The following FALEC variants were observed in gnomAD, a reference collection of about 807,000 sequenced individuals.
The protein encoded by FALEC is focally amplified lncRNA regulator of ECM1, also known as focally amplified lncRNA on chromosome 1.
chr1:150,529,015 G>GAAAAAAA, the FALEC span, among the ~76,000 whole-genome samples: 3 of 5,958 alleles, frequency 5.0e-4, no homozygotes, highest in African/African-American at 2.0e-3. Context: ...TAAATAAATA[G>GAAAAAAA]CAAAAAAAAA....
chr1:150,533,913 G>A, the FALEC span, among the ~76,000 whole-genome samples: 175 of 152,340 alleles, frequency 1.1e-3, no homozygotes, highest in African/African-American at 3.9e-3. Flanking sequence ...AGGAGAGAGG[G>A]AGGCTGGAAG....
At chr1:150,522,286 T>A (rs1360079375), downstream of FALEC, among the ~76,000 whole-genome samples, 5 of 149,502 alleles carry the variant, frequency 3.3e-5, no homozygotes, top group Non-Finnish European at 5.9e-5. Context: ...CATGTTGTAA[T>A]CCTTTTCTGA....
chr1:150,522,905 A>ATATATATATACG, downstream of FALEC, among the ~76,000 whole-genome samples: 1 of 79,184 alleles, frequency 1.3e-5, no homozygotes, highest in Non-Finnish European at 2.4e-5. Context: ...ATATATATAC[A>ATATATATATACG]TATATATACA....
the FALEC span, among the ~76,000 whole-genome samples, chr1:150,535,869 G>A: frequency 6.6e-6 from 1 of 152,222 alleles, no homozygotes; most frequent in Non-Finnish European, 1.5e-5. Context: ...CTGATGACTG[G>A]TTCTGCACCT....
chr1:150,523,192 A>G, the FALEC span, among the ~76,000 whole-genome samples: 2 of 144,768 alleles, frequency 1.4e-5, no homozygotes, highest in African/African-American at 5.1e-5. Context: ...GGGGTTTTGC[A>G]TTGTTGACCA....
chr1:150,535,389 G>A, the FALEC span, among the ~76,000 whole-genome samples: 13 of 152,150 alleles, frequency 8.5e-5, no homozygotes, highest in East Asian at 7.7e-4. Context: ...GATTACAGGC[G>A]CCCGCCACCA....
chr1:150,536,492 G>A, the FALEC span, among the ~76,000 whole-genome samples: 3 of 152,138 alleles, frequency 2.0e-5, no homozygotes, highest in African/African-American at 7.2e-5. Context: ...TGGGCAAGAC[G>A]GTTTCTAAAG....
chr1:150,533,085 G>A, the FALEC span, among the ~76,000 whole-genome samples: 3 of 152,254 alleles, frequency 2.0e-5, no homozygotes, highest in Non-Finnish European at 4.4e-5. Flanking sequence ...ATGAGGCCAG[G>A]GAGGAGGCTC....
chr1:150,516,147 G>C (rs1014352935), intron 1 of FALEC: 2 of 152,090 alleles, frequency 1.3e-5, no homozygotes, highest in Admixed American at 6.6e-5. Flanking sequence ...CCAGCTACTC[G>C]GGAGGCTGAG....
downstream of FALEC, among the ~76,000 whole-genome samples, chr1:150,518,446 G>A (rs191546309): frequency 9.3e-5 from 14 of 150,528 alleles, no homozygotes; most frequent in East Asian, 3.9e-4. Context: ...GTGCAATGGC[G>A]TGATCTCGGC....
At chr1:150,520,770 T>G (rs1670630305), downstream of FALEC, among the ~76,000 whole-genome samples, 1 of 143,758 alleles carries the variant, frequency 7.0e-6, no homozygotes, top group African/African-American at 2.6e-5. Context: ...TTCATTTTCT[T>G]TTCTTTTCTT....
downstream of FALEC, among the ~76,000 whole-genome samples, chr1:150,519,067 C>T (rs1056976993): frequency 6.6e-6 from 1 of 152,080 alleles, no homozygotes; most frequent in Non-Finnish European, 1.5e-5. Flanking sequence ...AACAAACAAA[C>T]AAATTAATAA....
chr1:150,518,348 C>A (rs1438520927), downstream of FALEC, among the ~76,000 whole-genome samples: 1 of 150,578 alleles, frequency 6.6e-6, no homozygotes, highest in Non-Finnish European at 1.5e-5. Flanking sequence ...AGTTTCTCTC[C>A]TTTTTCCTTG....
chr1:150,522,898 T>C (rs1398374611), downstream of FALEC, among the ~76,000 whole-genome samples: 1 of 67,870 alleles, frequency 1.5e-5, no homozygotes, highest in Non-Finnish European at 3.1e-5. Flanking sequence ...CGTATATATA[T>C]ATATACATAT....
the FALEC span, among the ~76,000 whole-genome samples, chr1:150,528,424 G>C: frequency 6.6e-6 from 1 of 151,964 alleles, no homozygotes; most frequent in Non-Finnish European, 1.5e-5. Flanking sequence ...GTTATGTGTA[G>C]GCCAAAGCAT....
chr1:150,522,856 T>TATATAC (rs1553907904), downstream of FALEC, among the ~76,000 whole-genome samples: 19 of 116,824 alleles, frequency 1.6e-4, 1 homozygote, highest in African/African-American at 3.3e-4. Context: ...TCTCTCTATA[T>TATATAC]ATATATATAC....
At chr1:150,523,392 G>A in the FALEC span, among the ~76,000 whole-genome samples, 3 of 151,514 alleles carry the variant, frequency 2.0e-5, no homozygotes, top group Non-Finnish European at 2.9e-5. Context: ...GGTGGCTCAT[G>A]CCTGTAATCC....
At chr1:150,519,786 A>T (rs1670615662), downstream of FALEC, among the ~76,000 whole-genome samples, 1 of 151,678 alleles carries the variant, frequency 6.6e-6, no homozygotes, top group South Asian at 2.1e-4. Context: ...GAATCGCTTG[A>T]ACCTGGGAGG....
the FALEC span, among the ~76,000 whole-genome samples, chr1:150,523,581 G>A: frequency 6.6e-6 from 1 of 151,298 alleles, no homozygotes; most frequent in East Asian, 2.0e-4. Context: ...GTGAACCCGG[G>A]AGGCAGAGGT....
Sources: allele counts gnomAD v4.1 joint callset (sites outside exome capture counted in the v4.1 genomes callset), GRCh38; gene constraint gnomAD v4.1.1; transcripts MANE v1.5; gene names NCBI Gene and HGNC (gene_info 2026-07-23, HGNC 2026-07-21).